Variants in SDK1 observed in about 807,000 individuals in gnomAD.
The protein encoded by SDK1 is protein sidekick-1.
In SDK1, 157 loss-of-function variants were observed where a neutral mutation model predicts 245.5. The observed-to-expected ratio is 0.64, with a 90% CI of 0.56 to 0.73. The LOEUF (loss-of-function observed/expected upper bound fraction) is 0.73. Among genes scored for constraint, SDK1 ranks in the 30% least tolerant of loss-of-function variants. The pLI is 0.00. For missense variants in SDK1, 3,583 were observed against 3,002.3 expected (o/e 1.19, Z -4.52); for synonymous variants, 1,647 against 1,278.5 (o/e 1.29, Z -6.15).
intron 1 of SDK1, among the ~76,000 whole-genome samples, chr7:3,341,364 G>A (rs1780343470): frequency 6.6e-6 from 1 of 152,092 alleles, no homozygotes; most frequent in African/African-American, 2.4e-5. Flanking sequence ...CAACTAAAGA[G>A]CATCTAACAA....
chr7:3,852,031 A>G (rs1339452462), intron 5 of SDK1, among the ~76,000 whole-genome samples: 4 of 152,174 alleles, frequency 2.6e-5, no homozygotes, highest in African/African-American at 9.7e-5. Context: ...ATCTTGGTGA[A>G]CAAATAGAGA....
intron 4 of SDK1, among the ~76,000 whole-genome samples, chr7:3,745,097 A>G (rs1432146361): frequency 6.6e-6 from 1 of 152,122 alleles, no homozygotes; most frequent in Non-Finnish European, 1.5e-5. Context: ...GTTCCCTGCC[A>G]TTGCTGAATT....
Position 4,012,109 on chromosome 7 carries a change from A to T in SDK1, c.2294A>T (p.Glu765Val). Residue 765 changes from glutamate to valine, a missense_variant, in exon 16 of 45, where the codon GAA becomes GTA. Physicochemically the swap from Glu to Val is moderately radical, Grantham distance 121 (BLOSUM62 -2). Coordinates refer to ENST00000404826, the MANE Select transcript of SDK1 (RefSeq NM_152744.4). The part of the protein sequence containing the change: ...SAETSRLMLP[E>V]EPPSAPPKNI... Reference sequence around the variant, plus strand: ...TTTATTTATAGGTTGATGCTACCTGAAGAACCACCCAGTGCTCCCCCGAAA... The same window carrying T: ...TTTATTTATAGGTTGATGCTACCTGTAGAACCACCCAGTGCTCCCCCGAAA... 6.4e-7 allele frequency: 1 copy of T among 1,556,742 alleles called. No homozygotes were observed.
At chr7:4,001,390 C>T (rs1013245320) in intron 14 of SDK1, among the ~76,000 whole-genome samples, 1 of 152,346 alleles carries the variant, frequency 6.6e-6, no homozygotes, top group East Asian at 1.9e-4. Context: ...GCCCACATCT[C>T]CCGGTGAGCA....
At chr7:3,982,459 G>A (rs895276047) in intron 13 of SDK1, among the ~76,000 whole-genome samples, 1 of 152,190 alleles carries the variant, frequency 6.6e-6, no homozygotes, top group Non-Finnish European at 1.5e-5. Context: ...TAAGACTATA[G>A]TTGCCATGGA....
chr7:3,476,012 C>G (rs1276888683), intron 1 of SDK1: 5 of 152,616 alleles, frequency 3.3e-5, no homozygotes, highest in South Asian at 2.1e-4. Context: ...GTAATTAAAA[C>G]TTTTCCTATT....
intron 17 of SDK1, among the ~76,000 whole-genome samples, chr7:4,046,602 T>C (rs76537127): frequency 0.018 from 2,764 of 152,304 alleles, 82 homozygotes; most frequent in African/African-American, 0.064. Flanking sequence ...CAGTGATATA[T>C]GTGTGAGTAA....
intron 40 of SDK1, among the ~76,000 whole-genome samples, chr7:4,226,150 C>T (rs933910382): frequency 9.2e-5 from 14 of 152,188 alleles, no homozygotes; most frequent in Admixed American, 2.6e-4. Context: ...ATTTTCCCAC[C>T]GAAGCTCCCT....
In SDK1 at chr7:4,178,599, C is replaced by CA; in HGVS notation, c.5098+14dup. The CA allele has an allele frequency of 6.3e-7, 1 of 1,588,606 alleles. No homozygotes were observed. Among genetic ancestry groups the CA allele is most frequent in the Middle Eastern group, 1.7e-4 (1 of 5,744 alleles). On this transcript the variant is annotated intron_variant, in intron 35 of 44. Transcript: ENST00000404826. Reference sequence around the variant, plus strand: ...GTCGGCGAGGCTGGTAAGCTCCGTGCACCCCCAACCCCACTGCCAGAGAGG... The same window carrying CA: ...GTCGGCGAGGCTGGTAAGCTCCGTGCAACCCCCAACCCCACTGCCAGAGAGG...
intron 4 of SDK1, among the ~76,000 whole-genome samples, chr7:3,777,205 C>G (rs533227481): frequency 4.6e-5 from 7 of 152,324 alleles, no homozygotes; most frequent in South Asian, 4.1e-4. Context: ...AATGTATGCT[C>G]TAACTGCAGA....
chr7:4,036,213 T>G (rs1455778168), intron 17 of SDK1, among the ~76,000 whole-genome samples: 1 of 152,188 alleles, frequency 6.6e-6, no homozygotes, highest in Non-Finnish European at 1.5e-5. Context: ...GAGAGCAACT[T>G]TTTTCTTGAC....
At chr7:3,446,922 T>G (rs1168063557) in intron 1 of SDK1, among the ~76,000 whole-genome samples, 1 of 152,128 alleles carries the variant, frequency 6.6e-6, no homozygotes, top group Non-Finnish European at 1.5e-5. Flanking sequence ...ATCATGTAAT[T>G]GGTAGAACAA....
intron 1 of SDK1, among the ~76,000 whole-genome samples, chr7:3,319,606 T>G (rs966266983): frequency 3.3e-5 from 5 of 152,144 alleles, no homozygotes; most frequent in African/African-American, 1.2e-4. Context: ...TTTTTGTCCC[T>G]TGTAAGTTTC....
At chr7:3,940,719 G>A (rs1211148230) in intron 5 of SDK1, among the ~76,000 whole-genome samples, 4 of 152,104 alleles carry the variant, frequency 2.6e-5, no homozygotes, top group Non-Finnish European at 5.9e-5. Context: ...TACTCCGGAG[G>A]CTGAGGCAGA....
chr7:3,885,060 C>T (rs533461289), intron 5 of SDK1, among the ~76,000 whole-genome samples: 29 of 152,062 alleles, frequency 1.9e-4, no homozygotes, highest in Non-Finnish European at 3.7e-4. Flanking sequence ...CTGCCAATAG[C>T]CCCTGGGGAC....
At chr7:4,158,602 C>A in intron 31 of SDK1, 51 bp downstream of exon 31, 1 of 1,357,166 alleles carries the variant, frequency 7.4e-7, no homozygotes, top group South Asian at 1.2e-5. Flanking sequence ...CCCTGGAGCC[C>A]GAGATACTTA....
chr7:3,708,009 A>T (rs1209833051), intron 4 of SDK1, among the ~76,000 whole-genome samples: 1 of 152,054 alleles, frequency 6.6e-6, no homozygotes, highest in African/African-American at 2.4e-5. Flanking sequence ...TTTTTTTTAA[A>T]AAGAGGTTTA....
At chr7:3,604,496 G>T (rs966869106) in intron 1 of SDK1, among the ~76,000 whole-genome samples, 1 of 151,806 alleles carries the variant, frequency 6.6e-6, no homozygotes, top group South Asian at 2.1e-4. Flanking sequence ...TTCTTTAGCT[G>T]CATCTCACAC....
At chr7:3,316,920 C>T (rs574202472) in intron 1 of SDK1, among the ~76,000 whole-genome samples, 5 of 152,044 alleles carry the variant, frequency 3.3e-5, no homozygotes, top group Admixed American at 2.6e-4. Flanking sequence ...TGGCTCATGC[C>T]TATAATTTTG....
Sources: allele counts gnomAD v4.1 joint callset (sites outside exome capture counted in the v4.1 genomes callset), GRCh38; gene constraint gnomAD v4.1.1; transcripts MANE v1.5; gene names NCBI Gene and HGNC (gene_info 2026-07-23, HGNC 2026-07-21).